Variants in SKIC3 observed in about 807,000 individuals in gnomAD.
The protein encoded by SKIC3 is SKI3 subunit of superkiller complex.
the SKIC3 span, among the ~76,000 whole-genome samples, chr5:95,494,441 T>C: frequency 2.0e-5 from 3 of 152,182 alleles, no homozygotes; most frequent in Admixed American, 2.0e-4. Context: ...TGTAAATCTA[T>C]AATGCATCAA....
At chr5:95,478,403 C>T in the SKIC3 span, 2 of 1,613,964 alleles carry the variant, frequency 1.2e-6, no homozygotes, top group Admixed American at 3.3e-5. Flanking sequence ...ATCTCTGCAG[C>T]TCTCATCATT....
the SKIC3 span, chr5:95,530,324 T>C: frequency 7.2e-7 from 1 of 1,395,994 alleles, no homozygotes; most frequent in African/African-American, 1.4e-5. Flanking sequence ...CTTTATATTC[T>C]TATGCATTCT....
chr5:95,470,700 C>T, the SKIC3 span, among the ~76,000 whole-genome samples: 1 of 151,928 alleles, frequency 6.6e-6, no homozygotes, highest in Non-Finnish European at 1.5e-5. Flanking sequence ...TCAAAGTAAT[C>T]AGTACTAAAA....
the SKIC3 span, among the ~76,000 whole-genome samples, chr5:95,546,583 T>C: frequency 6.6e-6 from 1 of 152,164 alleles, no homozygotes; most frequent in Admixed American, 6.5e-5. Context: ...CCTCAAGCTC[T>C]GGATCCCAGT....
At chr5:95,474,081 T>C in the SKIC3 span, among the ~76,000 whole-genome samples, 1 of 152,236 alleles carries the variant, frequency 6.6e-6, no homozygotes, top group Non-Finnish European at 1.5e-5. Context: ...AGTTAGTTTG[T>C]ATATATGCTG....
At chr5:95,516,072 T>C in the SKIC3 span, among the ~76,000 whole-genome samples, 3 of 152,150 alleles carry the variant, frequency 2.0e-5, no homozygotes, top group Non-Finnish European at 2.9e-5. Flanking sequence ...TTTAAAAAAA[T>C]GCTGAATTGA....
the SKIC3 span, among the ~76,000 whole-genome samples, chr5:95,527,750 G>C: frequency 6.6e-6 from 1 of 152,068 alleles, no homozygotes; most frequent in South Asian, 2.1e-4. Context: ...TAACCTAAGA[G>C]GGCAAAAGGA....
the SKIC3 span, among the ~76,000 whole-genome samples, chr5:95,508,739 A>G: frequency 1.3e-5 from 2 of 152,224 alleles, no homozygotes; most frequent in African/African-American, 4.8e-5. Flanking sequence ...CACATGCTCC[A>G]TGAGAACAGG....
chr5:95,530,672 G>A, the SKIC3 span, among the ~76,000 whole-genome samples: 1 of 152,098 alleles, frequency 6.6e-6, no homozygotes, highest in African/African-American at 2.4e-5. Flanking sequence ...AAGATAGGCG[G>A]GTTACTCATC....
the SKIC3 span, among the ~76,000 whole-genome samples, chr5:95,481,873 T>A: frequency 5.9e-5 from 9 of 152,290 alleles, no homozygotes; most frequent in East Asian, 1.7e-3. Flanking sequence ...TAAATCTATA[T>A]CAAAAAGCCC....
chr5:95,504,308 C>T, the SKIC3 span, among the ~76,000 whole-genome samples: 3 of 149,884 alleles, frequency 2.0e-5, no homozygotes, highest in East Asian at 3.9e-4. Flanking sequence ...TGCACTCCAG[C>T]CTGGGCAAGA....
At chr5:95,492,707 A>ATAAC in the SKIC3 span, among the ~76,000 whole-genome samples, 4 of 132,554 alleles carry the variant, frequency 3.0e-5, no homozygotes, top group Admixed American at 3.0e-4. Flanking sequence ...ACTAAACTAG[A>ATAAC]TAACAGCTGA....
chr5:95,498,575 G>C, the SKIC3 span: 1 of 1,613,716 alleles, frequency 6.2e-7, no homozygotes, highest in Non-Finnish European at 8.5e-7. Flanking sequence ...TCTGTGGTTG[G>C]TTCCTTTAAG....
chr5:95,531,747 C>T, the SKIC3 span, among the ~76,000 whole-genome samples: 10 of 152,254 alleles, frequency 6.6e-5, no homozygotes, highest in African/African-American at 2.2e-4. Flanking sequence ...TACTTAAAGA[C>T]CACAGGTCTA....
chr5:95,529,387 A>T, the SKIC3 span: 1 of 449,780 alleles, frequency 2.2e-6, no homozygotes, highest in Non-Finnish European at 4.1e-6. Context: ...CTAAAAAGAC[A>T]AATCAGATTA....
the SKIC3 span, chr5:95,550,487 A>C: frequency 6.6e-6 from 1 of 151,146 alleles, no homozygotes; most frequent in Non-Finnish European, 1.5e-5. Flanking sequence ...AAAAAAAACT[A>C]TGCCATTAAA....
chr5:95,546,363 AC>A, the SKIC3 span, among the ~76,000 whole-genome samples: 1 of 151,630 alleles, frequency 6.6e-6, no homozygotes, highest in East Asian at 1.9e-4. Context: ...AAAAAAAAAA[AC>A]AAAGAAAGAA....
chr5:95,487,676 T>C, the SKIC3 span, among the ~76,000 whole-genome samples: 2 of 152,114 alleles, frequency 1.3e-5, no homozygotes, highest in African/African-American at 4.8e-5. Context: ...TGGATACATC[T>C]TCAGGAAAAA....
At chr5:95,492,449 A>C in the SKIC3 span, among the ~76,000 whole-genome samples, 6 of 151,010 alleles carry the variant, frequency 4.0e-5, no homozygotes. Flanking sequence ...ATCCCGGCTA[A>C]AACGGTGAAA....
Sources: allele counts gnomAD v4.1 joint callset (sites outside exome capture counted in the v4.1 genomes callset), GRCh38; gene constraint gnomAD v4.1.1; transcripts MANE v1.5; gene names NCBI Gene and HGNC (gene_info 2026-07-23, HGNC 2026-07-21).